The following MAPK10 variants were observed in gnomAD, a reference collection of about 807,000 sequenced individuals.
MAPK10 encodes the protein JNK3 alpha protein kinase.
MAPK10 carries 25 observed loss-of-function variants against 59.3 expected under a neutral mutation model. The ratio of observed to expected loss-of-function variants is 0.42; its 90% CI spans 0.31 to 0.59. The LOEUF is 0.59. Ranked by LOEUF, MAPK10 falls within the 20% of genes least tolerant of loss-of-function variation. The probability of loss-of-function intolerance (pLI) is 0.15; values close to 1 mark genes in which losing one functional copy is unlikely to be tolerated. For synonymous variants in MAPK10, 190 were observed against 200.5 expected, an observed-to-expected ratio of 0.95 and a Z score of 0.44; for missense variants, 351 against 568.9, an observed-to-expected ratio of 0.62 and a Z score of 3.90.
chr4:86,550,366 G>T (rs970022473), intron 1 of MAPK10, among the ~76,000 whole-genome samples: 1 of 110,558 alleles, frequency 9.0e-6, no homozygotes, highest in Non-Finnish European at 1.7e-5. Flanking sequence ...GCTAAGCAGA[G>T]CTTCAGTTAA....
intron 2 of MAPK10, among the ~76,000 whole-genome samples, chr4:86,257,596 G>C (rs17011623): frequency 6.6e-6 from 1 of 152,048 alleles, no homozygotes; most frequent in African/African-American, 2.4e-5. Context: ...TAGTCCTCAC[G>C]TGGTTGACCA....
intron 2 of MAPK10, among the ~76,000 whole-genome samples, chr4:86,220,186 C>T (rs1477844291): frequency 2.0e-5 from 3 of 152,108 alleles, no homozygotes; most frequent in Admixed American, 6.5e-5. Context: ...TCTTAGTTTG[C>T]TTTAATTTCA....
chr4:86,435,839 G>A (rs901130556), intron 1 of MAPK10, among the ~76,000 whole-genome samples: 9 of 152,134 alleles, frequency 5.9e-5, no homozygotes, highest in Admixed American at 2.0e-4. Flanking sequence ...ATTGAGCTGA[G>A]CCAAATTCAG....
chr4:86,345,762 C>A (rs964575023), intron 2 of MAPK10, among the ~76,000 whole-genome samples: 2 of 152,216 alleles, frequency 1.3e-5, no homozygotes, highest in East Asian at 1.9e-4. Context: ...CTAGACAATT[C>A]TTGATTCCCT....
At chr4:86,501,287 T>C (rs1358639989) in intron 1 of MAPK10, among the ~76,000 whole-genome samples, 2 of 152,040 alleles carry the variant, frequency 1.3e-5, no homozygotes, top group African/African-American at 4.8e-5. Context: ...GCAGGCTATT[T>C]TATATATAGT....
intron 1 of MAPK10, among the ~76,000 whole-genome samples, chr4:86,399,583 CA>C (rs1474020787): frequency 6.6e-6 from 1 of 152,012 alleles, no homozygotes; most frequent in East Asian, 1.9e-4. Context: ...ATATTATGAC[CA>C]TTTTGAGGGC....
chr4:86,098,628 G>C, intron 8 of MAPK10, 33 bp from the exon 9 acceptor site: 1 of 1,493,942 alleles, frequency 6.7e-7, no homozygotes, highest in Non-Finnish European at 9.3e-7. Flanking sequence ...GTGAAGAAAA[G>C]GGAGGAAAGT....
chr4:86,032,585 G>A (rs1183743399), intron 11 of MAPK10: 1 of 152,098 alleles, frequency 6.6e-6, no homozygotes, highest in Non-Finnish European at 1.5e-5. Flanking sequence ...GGAAAGCTCT[G>A]GACAAGATTT....
At chr4:86,052,535 G>C (rs900515085) in intron 11 of MAPK10, among the ~76,000 whole-genome samples, 1 of 151,122 alleles carries the variant, frequency 6.6e-6, no homozygotes, top group Admixed American at 6.9e-5. Context: ...GAACCCTTAG[G>C]GGTCATAGGA....
At chr4:86,580,761 T>C (rs1379852371) in intron 1 of MAPK10, among the ~76,000 whole-genome samples, 9 of 152,214 alleles carry the variant, frequency 5.9e-5, no homozygotes, top group Non-Finnish European at 1.0e-4. Flanking sequence ...TTCTACTCCA[T>C]GCAACATGGA....
chr4:86,560,645 A>G (rs1760607307), intron 1 of MAPK10, among the ~76,000 whole-genome samples: 1 of 152,258 alleles, frequency 6.6e-6, no homozygotes, highest in Non-Finnish European at 1.5e-5. Context: ...AAAGTAGTTA[A>G]GTAGTAATAC....
At chr4:86,474,171 C>T (rs1335954571) in intron 1 of MAPK10, among the ~76,000 whole-genome samples, 1 of 152,108 alleles carries the variant, frequency 6.6e-6, no homozygotes, top group East Asian at 1.9e-4. Flanking sequence ...TCTTTGGATA[C>T]TTTTGGCATA....
At chr4:86,335,191 G>C (rs892735093) in intron 2 of MAPK10, 1 of 152,168 alleles carries the variant, frequency 6.6e-6, no homozygotes, top group Admixed American at 6.5e-5. Flanking sequence ...TCAAATAGCT[G>C]AGATAATCCC....
intron 2 of MAPK10, among the ~76,000 whole-genome samples, chr4:86,248,148 T>A (rs528464304): frequency 6.6e-6 from 1 of 152,360 alleles, no homozygotes; most frequent in East Asian, 1.9e-4. Context: ...GTTTATGAGA[T>A]CCTGATTTTT....
intron 3 of MAPK10, among the ~76,000 whole-genome samples, chr4:86,177,185 C>T (rs17011410): frequency 0.085 from 12,887 of 152,086 alleles, 1,212 homozygotes; most frequent in African/African-American, 0.23. Flanking sequence ...ACCTGCTGAT[C>T]CCCTTAAGCC....
intron 2 of MAPK10, chr4:86,220,072 T>C (rs955643998): frequency 1.3e-5 from 2 of 152,196 alleles, no homozygotes; most frequent in Non-Finnish European, 2.9e-5. Flanking sequence ...GAGTTACATT[T>C]ACTATTTTAA....
intron 2 of MAPK10, among the ~76,000 whole-genome samples, chr4:86,284,861 T>C (rs1422934381): frequency 1.3e-5 from 2 of 152,130 alleles, no homozygotes; most frequent in African/African-American, 4.8e-5. Context: ...CCCTTGTGAG[T>C]AGGTATAGAT....
In MAPK10 at chr4:86,153,748, C is replaced by T. The variant is rs565877105; in HGVS notation, c.236+5550G>A. On this transcript the variant is annotated intron_variant, in intron 4 of 13. Coordinates refer to ENST00000641462, the MANE Select transcript of MAPK10 (RefSeq NM_138982.4). ...ATATGGTAAATATGTGTGGCCTGTA[C>T]TGTGCAAAGAGGCCTAGGAGAACAG... 7.2e-5 allele frequency among the ~76,000 whole-genome samples: 11 copies of T among 152,252 alleles called. No individual in the cohort carries two copies. The East Asian group carries it at 1.9e-3, about 27-fold the overall frequency.
intron 1 of MAPK10, among the ~76,000 whole-genome samples, chr4:86,477,908 AC>A (rs1371263111): frequency 6.6e-6 from 1 of 152,008 alleles, no homozygotes; most frequent in African/African-American, 2.4e-5. Flanking sequence ...ACTGACCCTG[AC>A]ACCCATCAGG....
Sources: gnomAD v4.1 joint callset for allele counts (sites outside exome capture counted in the v4.1 genomes callset) on GRCh38, gnomAD v4.1.1 for gene constraint, MANE v1.5 for transcripts, NCBI Gene and HGNC (gene_info 2026-07-23, HGNC 2026-07-21) for gene names.